Variants in MARCHF8 observed in about 807,000 individuals in gnomAD.
MARCHF8 encodes E3 ubiquitin-protein ligase MARCHF8.
Under a neutral mutation model 51.6 loss-of-function variants are expected in MARCHF8, and 40 were observed. The observed-to-expected ratio is 0.77, with a 90% CI of 0.60 to 1.01. MARCHF8 has a LOEUF of 1.01. MARCHF8 is among the 50% of genes least tolerant of loss of function. MARCHF8 has a pLI of 0.00. For missense variants in MARCHF8, 685 were observed against 708.6 expected (o/e 0.97, Z 0.38); for synonymous variants, 263 against 280.3 (o/e 0.94, Z 0.62).
chr10:45,590,952 C>T (rs1048036079), intron 1 of MARCHF8, among the ~76,000 whole-genome samples: 3 of 152,192 alleles, frequency 2.0e-5, no homozygotes, highest in Non-Finnish European at 2.9e-5. Context: ...GACGTTCCAC[C>T]ATTGTGATTG....
chr10:45,515,783 C>T (rs2043608719), intron 2 of MARCHF8, among the ~76,000 whole-genome samples: 1 of 152,202 alleles, frequency 6.6e-6, no homozygotes, highest in Non-Finnish European at 1.5e-5. Context: ...CCTTCCTCTT[C>T]CAGCTATTGG....
chr10:45,578,563 A>T (rs965548424), intron 1 of MARCHF8, among the ~76,000 whole-genome samples: 4 of 152,322 alleles, frequency 2.6e-5, no homozygotes, highest in Non-Finnish European at 4.4e-5. Context: ...CTGGACGCTA[A>T]AACTAGTGGG....
chr10:45,509,006 T>A (rs992126862), intron 2 of MARCHF8, among the ~76,000 whole-genome samples: 1 of 152,196 alleles, frequency 6.6e-6, no homozygotes, highest in Non-Finnish European at 1.5e-5. Flanking sequence ...TTGTTGCTGT[T>A]TTATTCTGAT....
intron 1 of MARCHF8, among the ~76,000 whole-genome samples, chr10:45,559,538 G>A (rs1054119415): frequency 6.6e-5 from 10 of 152,186 alleles, no homozygotes; most frequent in Admixed American, 5.9e-4. Context: ...GTATTTTTTA[G>A]TAGAGACGGG....
At chr10:45,591,368 G>A (rs2044678789) in intron 1 of MARCHF8, among the ~76,000 whole-genome samples, 1 of 152,048 alleles carries the variant, frequency 6.6e-6, no homozygotes, top group African/African-American at 2.4e-5. Flanking sequence ...GGGAGGTTGA[G>A]GCAGGAGAAT....
At chr10:45,538,402 C>T (rs1471660496), upstream of MARCHF8, among the ~76,000 whole-genome samples, 1 of 152,224 alleles carries the variant, frequency 6.6e-6, no homozygotes, top group Non-Finnish European at 1.5e-5. Context: ...GAAGAAACTA[C>T]ATCAACTAAC....
At chr10:45,471,374 A>G (rs1056322828) in intron 3 of MARCHF8, among the ~76,000 whole-genome samples, 3 of 152,204 alleles carry the variant, frequency 2.0e-5, no homozygotes, top group African/African-American at 7.2e-5. Flanking sequence ...TCTTGCAAAT[A>G]TAATTTGTTT....
chr10:45,465,115 G>T (rs1355023589), intron 3 of MARCHF8, among the ~76,000 whole-genome samples: 1 of 152,102 alleles, frequency 6.6e-6, no homozygotes, highest in East Asian at 1.9e-4. Flanking sequence ...GAGAGAAATA[G>T]GGACAGTGAG....
At chr10:45,512,745 C>T (rs1226187582) in intron 2 of MARCHF8, among the ~76,000 whole-genome samples, 1 of 152,030 alleles carries the variant, frequency 6.6e-6, no homozygotes, top group Non-Finnish European at 1.5e-5. Flanking sequence ...TCATTGAGAA[C>T]GGGCCGGGAC....
chr10:45,461,030 G>T (rs1842768691), intron 6 of MARCHF8: 4 of 419,414 alleles, frequency 9.5e-6, no homozygotes, highest in Admixed American at 4.4e-5. Context: ...GATTATGAAT[G>T]GTCAGAAAGA....
At chr10:45,550,969 T>C (rs2044187719) in intron 1 of MARCHF8, among the ~76,000 whole-genome samples, 1 of 152,234 alleles carries the variant, frequency 6.6e-6, no homozygotes, top group Non-Finnish European at 1.5e-5. Flanking sequence ...TCAAACATTA[T>C]TCTGAATGTT....
chr10:45,528,806 GA>G (rs1429974297), intron 2 of MARCHF8, among the ~76,000 whole-genome samples: 9 of 152,108 alleles, frequency 5.9e-5, no homozygotes, highest in Non-Finnish European at 2.9e-5. Context: ...ATCTCTACAA[GA>G]AAAACTACAA....
intron 1 of MARCHF8, among the ~76,000 whole-genome samples, chr10:45,566,370 A>G (rs2044364149): frequency 1.3e-5 from 2 of 152,054 alleles, no homozygotes; most frequent in South Asian, 4.1e-4. Context: ...AGTCTTATCC[A>G]TTCTATTTTT....
intron 2 of MARCHF8, among the ~76,000 whole-genome samples, chr10:45,494,348 C>A (rs1202725988): frequency 1.3e-5 from 2 of 152,104 alleles, no homozygotes; most frequent in Admixed American, 6.5e-5. Context: ...GATGCCTAAG[C>A]GAGTTTTTGG....
intron 3 of MARCHF8, among the ~76,000 whole-genome samples, chr10:45,474,268 A>G (rs971498950): frequency 2.0e-5 from 3 of 152,232 alleles, no homozygotes; most frequent in African/African-American, 7.2e-5. Context: ...GTGGTGGCAC[A>G]GGACACAACG....
At position 45,463,267 on chromosome 10, in the gene MARCHF8, C is replaced by T; in HGVS notation, c.972G>A (p.Arg324=). ...TGGAGCAGAGGGGCGCCCGCAGAAC[C>T]CTACTCTTCAGTTTTGCAGATGTGC... ...EDSTSAKLKS[R]VLRAPLCSTE... Residue 324 remains arginine (R), a synonymous_variant, in exon 5 of 8, where the codon AGG becomes AGA. Coordinates refer to ENST00000453424, the MANE Select transcript of MARCHF8 (RefSeq NM_001282866.2). 1 of 1,550,956 alleles carries T rather than the reference C, an allele frequency of 6.4e-7. No homozygotes were observed. The highest frequency in any genetic ancestry group is 8.7e-7 in the Non-Finnish European group (1 of 1,147,086).
intron 1 of MARCHF8, among the ~76,000 whole-genome samples, chr10:45,556,145 TCA>T (rs1189076013): frequency 1.3e-5 from 2 of 152,196 alleles, no homozygotes; most frequent in East Asian, 3.8e-4. Context: ...CATGATTTTT[TCA>T]GTAAATAACA....
chr10:45,487,080 C>T (rs1442449786), intron 3 of MARCHF8, among the ~76,000 whole-genome samples: 6 of 151,410 alleles, frequency 4.0e-5, no homozygotes, highest in South Asian at 4.2e-4. Context: ...CAAATTGCTG[C>T]GATTACAGGT....
At chr10:45,472,174 T>C (rs1328985264) in intron 3 of MARCHF8, among the ~76,000 whole-genome samples, 2 of 147,434 alleles carry the variant, frequency 1.4e-5, no homozygotes, top group Admixed American at 6.7e-5. Context: ...CCAGGAACAC[T>C]CCCACATTCC....
Sources: allele counts gnomAD v4.1 joint callset (sites outside exome capture counted in the v4.1 genomes callset), GRCh38; gene constraint gnomAD v4.1.1; transcripts MANE v1.5; gene names NCBI Gene and HGNC (gene_info 2026-07-23, HGNC 2026-07-21).